MYH10: variants seen among roughly 807,000 people sequenced by gnomAD.
The protein encoded by MYH10 is myosin heavy chain 10.
In MYH10, 55 loss-of-function variants were observed where a neutral mutation model predicts 257.8. The ratio of observed to expected loss-of-function variants is 0.21; its 90% CI spans 0.17 to 0.27. The LOEUF (loss-of-function observed/expected upper bound fraction) is 0.27. Ranked by LOEUF, MYH10 falls within the 10% of genes least tolerant of loss-of-function variation. The pLI, the probability that MYH10 is intolerant of heterozygous loss-of-function variation, is 1.00. For missense variants in MYH10, 1,631 were observed against 2,500.6 expected (o/e 0.65, Z 7.42); for synonymous variants, 854 against 921.7 (o/e 0.93, Z 1.33).
intron 32 of MYH10, 101 bp from the exon 33 acceptor site, chr17:8,493,125 C>T (rs1462178494): frequency 8.1e-6 from 11 of 1,356,970 alleles, no homozygotes; most frequent in Middle Eastern, 1.9e-4. Flanking sequence ...TTTGGGAGGC[C>T]GAGGCGGCAG....
chr17:8,589,653 A>T (rs899435254), intron 3 of MYH10, among the ~76,000 whole-genome samples: 15 of 152,214 alleles, frequency 9.9e-5, no homozygotes, highest in Admixed American at 3.3e-4. Context: ...ACTGAGTGGA[A>T]AGAAAGTTGA....
rs1401772298 is a variant in MYH10, at chr17:8,558,092, A to C, written c.757-4074T>G. Among the ~76,000 whole-genome samples the C allele has an allele frequency of 2.6e-5, 4 of 152,140 alleles. No homozygotes were observed. In the East Asian group the frequency reaches 7.7e-4, roughly 29 times the overall value. Reference sequence around the variant, plus strand: ...TTAAGAGTCGCATAATAAAACTGACAATTTGTTTAGTTAGTTTTGTTTTAT... The same window carrying C: ...TTAAGAGTCGCATAATAAAACTGACCATTTGTTTAGTTAGTTTTGTTTTAT... On this transcript the variant is annotated intron_variant, in intron 7 of 42. Coordinates refer to ENST00000360416, the MANE Select transcript of MYH10 (RefSeq NM_001256012.3).
At chr17:8,626,527 A>C (rs1432882472) in intron 1 of MYH10, among the ~76,000 whole-genome samples, 1 of 151,396 alleles carries the variant, frequency 6.6e-6, no homozygotes, top group Non-Finnish European at 1.5e-5. Context: ...AAATCACACC[A>C]CTGCACTCCA....
chr17:8,584,789 T>C (rs1001238921), intron 4 of MYH10, among the ~76,000 whole-genome samples: 2 of 152,208 alleles, frequency 1.3e-5, no homozygotes, highest in African/African-American at 4.8e-5. Flanking sequence ...AACTACTTAA[T>C]ACTGATTAAG....
chr17:8,612,073 C>G (rs2085060657), intron 2 of MYH10, among the ~76,000 whole-genome samples: 1 of 152,238 alleles, frequency 6.6e-6, no homozygotes, highest in Non-Finnish European at 1.5e-5. Context: ...GTGATGAAAT[C>G]TGGCACAATT....
chr17:8,603,864 T>C (rs1435619468), intron 3 of MYH10, among the ~76,000 whole-genome samples: 2 of 152,186 alleles, frequency 1.3e-5, no homozygotes, highest in Non-Finnish European at 1.5e-5. Flanking sequence ...TACCAACTTA[T>C]GTATGACACT....
At chr17:8,548,980 C>T (rs559559381) in intron 9 of MYH10, among the ~76,000 whole-genome samples, 193 bp from the exon 10 acceptor site, 1 of 152,072 alleles carries the variant, frequency 6.6e-6, no homozygotes, top group South Asian at 2.1e-4. Context: ...TCTGTACCAA[C>T]AAAGGAAAAT....
intron 3 of MYH10, among the ~76,000 whole-genome samples, chr17:8,592,476 GA>G (rs2084184182): frequency 6.6e-6 from 1 of 151,930 alleles, no homozygotes; most frequent in Non-Finnish European, 1.5e-5. Flanking sequence ...GTATGATTAA[GA>G]ACCCATGGAT....
At chr17:8,486,465 C>T (rs141410103) in intron 36 of MYH10, among the ~76,000 whole-genome samples, 1 of 150,924 alleles carries the variant, frequency 6.6e-6, no homozygotes, top group Admixed American at 6.6e-5. Flanking sequence ...GACTGCACCA[C>T]CATACTTCAC....
intron 2 of MYH10, among the ~76,000 whole-genome samples, chr17:8,606,896 G>A (rs1351136269): frequency 6.6e-6 from 1 of 152,152 alleles, no homozygotes; most frequent in Non-Finnish European, 1.5e-5. Context: ...TGTATGCAAA[G>A]TACAGACCTG....
chr17:8,479,469 G>A (rs1321963714), intron 40 of MYH10, among the ~76,000 whole-genome samples: 1 of 152,206 alleles, frequency 6.6e-6, no homozygotes, highest in African/African-American at 2.4e-5. Context: ...ACCCTTAATT[G>A]TTTGCTTCAG....
At chr17:8,606,877 T>A (rs1413062822) in intron 2 of MYH10, among the ~76,000 whole-genome samples, 1 of 152,208 alleles carries the variant, frequency 6.6e-6, no homozygotes, top group South Asian at 2.1e-4. Flanking sequence ...TTCAGACTCT[T>A]GGCCTTCTTG....
chr17:8,532,003 A>G (rs1335870055), intron 16 of MYH10, among the ~76,000 whole-genome samples: 1 of 152,152 alleles, frequency 6.6e-6, no homozygotes, highest in Admixed American at 6.5e-5. Flanking sequence ...AAATTGGACA[A>G]ACATGGTACT....
At chr17:8,601,998 C>CGGA (rs2084625080) in intron 3 of MYH10, among the ~76,000 whole-genome samples, 1 of 126,004 alleles carries the variant, frequency 7.9e-6, no homozygotes, top group Non-Finnish European at 1.6e-5. Flanking sequence ...TTTTTTGAGA[C>CGGA]GGAGTCTCGT....
intron 21 of MYH10, among the ~76,000 whole-genome samples, chr17:8,517,781 C>T (rs897341157): frequency 6.6e-6 from 1 of 152,198 alleles, no homozygotes; most frequent in Non-Finnish European, 1.5e-5. Context: ...CCCTGTCCAG[C>T]GTCTGATTCT....
chr17:8,552,362 G>T lies in MYH10; in HGVS notation c.821-218C>A, dbSNP rs185154893. On this transcript the variant is annotated intron_variant, in intron 8 of 42. Transcript: ENST00000360416. This position sits in a 1 kb window ranked among gnomAD's most constrained non-coding sequence, Gnocchi z 4.8. ...CCTCACTGATCTTCCAGAATCATTGGTCTGGGAAGGAACTTAAAGATTATA... is the reference window on the plus strand; with the variant it reads ...CCTCACTGATCTTCCAGAATCATTGTTCTGGGAAGGAACTTAAAGATTATA... Among the ~76,000 whole-genome samples, 1 of 152,240 alleles carries T rather than the reference G, an allele frequency of 6.6e-6. No homozygotes were observed. The highest frequency in any genetic ancestry group is 2.4e-5 in the African/African-American group (1 of 41,528).
chr17:8,571,017 C>T (rs1022605076), intron 6 of MYH10, among the ~76,000 whole-genome samples: 1 of 152,144 alleles, frequency 6.6e-6, no homozygotes, highest in Admixed American at 6.6e-5. Flanking sequence ...TCAACTGAAG[C>T]CAGTCAGGAA....
At chr17:8,619,694 C>T (rs1382067428) in intron 2 of MYH10, among the ~76,000 whole-genome samples, 2 of 152,024 alleles carry the variant, frequency 1.3e-5, no homozygotes, top group African/African-American at 2.4e-5. Context: ...GAGGCCAAGG[C>T]GGGTGGATCA....
chr17:8,500,779 A>G, intron 29 of MYH10, 47 bp downstream of exon 29: 1 of 1,594,168 alleles, frequency 6.3e-7, no homozygotes, highest in East Asian at 2.2e-5. Context: ...AGTGGCTCTG[A>G]CGACAGACTT....
Sources: allele counts gnomAD v4.1 joint callset (sites outside exome capture counted in the v4.1 genomes callset), GRCh38; gene constraint gnomAD v4.1.1; non-coding constraint Gnocchi (gnomAD v3.1); transcripts MANE v1.5; gene names NCBI Gene and HGNC (gene_info 2026-07-23, HGNC 2026-07-21).